The following TCF4 variants were observed in gnomAD, a reference collection of about 807,000 sequenced individuals.
TCF4 encodes the protein transcription factor 4.
A neutral mutation model predicts 82.1 loss-of-function variants in TCF4; 3 were observed. That is an observed-to-expected ratio of 0.04 (90% CI 0.02 to 0.09). TCF4 has a LOEUF of 0.09. TCF4 is among the 10% of genes least tolerant of loss of function. TCF4 has a pLI of 1.00. For missense variants in TCF4, 518 were observed against 852.7 expected (o/e 0.61, Z 4.89); for synonymous variants, 276 against 309.6 (o/e 0.89, Z 1.14).
chr18:55,469,180 T>C (rs970755432), intron 3 of TCF4, among the ~76,000 whole-genome samples: 13 of 152,154 alleles, frequency 8.5e-5, no homozygotes, highest in Non-Finnish European at 1.0e-4. Flanking sequence ...GTCTGACACA[T>C]TGGTCGGGTG....
chr18:55,292,762 G>A (rs1018638883), intron 8 of TCF4, among the ~76,000 whole-genome samples: 7 of 151,118 alleles, frequency 4.6e-5, no homozygotes, highest in Admixed American at 3.9e-4. Context: ...ACATATATAC[G>A]TATATATGTA....
chr18:55,603,917 G>A (rs2097699799), intron 2 of TCF4, among the ~76,000 whole-genome samples: 1 of 152,060 alleles, frequency 6.6e-6, no homozygotes, highest in South Asian at 2.1e-4. Context: ...GTCCTCCTAT[G>A]GGGCTCATCA....
chr18:55,349,888 T>C (rs187194230), intron 8 of TCF4, among the ~76,000 whole-genome samples: 1 of 152,208 alleles, frequency 6.6e-6, no homozygotes, highest in African/African-American at 2.4e-5. Flanking sequence ...GCAGCTACCT[T>C]TGCAGCCTTT....
chr18:55,384,529 T>A (rs1025410179), intron 6 of TCF4, among the ~76,000 whole-genome samples: 1 of 151,996 alleles, frequency 6.6e-6, no homozygotes, highest in Non-Finnish European at 1.5e-5. Flanking sequence ...GGGAAAGAAA[T>A]CCCTGCAGCA....
At chr18:55,449,968 C>A (rs2095594189) in intron 5 of TCF4, among the ~76,000 whole-genome samples, 1 of 152,038 alleles carries the variant, frequency 6.6e-6, no homozygotes, top group Non-Finnish European at 1.5e-5. Flanking sequence ...AACAGAAAAA[C>A]AGACTAGATA....
chr18:55,609,522 G>C (rs374943022), intron 2 of TCF4, among the ~76,000 whole-genome samples: 4 of 152,278 alleles, frequency 2.6e-5, no homozygotes, highest in East Asian at 1.9e-4. Context: ...CTACTGAAAC[G>C]GGTGTGCTTA....
intron 5 of TCF4, among the ~76,000 whole-genome samples, chr18:55,431,298 A>G (rs1008668386): frequency 2.0e-5 from 3 of 152,030 alleles, no homozygotes; most frequent in African/African-American, 7.2e-5. Flanking sequence ...TTGTTTTTTC[A>G]GACGGAGTTT....
chr18:55,331,713 G>A (rs1379012373), intron 8 of TCF4, among the ~76,000 whole-genome samples: 1 of 152,108 alleles, frequency 6.6e-6, no homozygotes, highest in Non-Finnish European at 1.5e-5. Context: ...GATAAAACAT[G>A]CACACAATAT....
At chr18:55,617,395 G>C (rs867553263) in intron 2 of TCF4, among the ~76,000 whole-genome samples, 5 of 152,104 alleles carry the variant, frequency 3.3e-5, no homozygotes, top group Admixed American at 1.3e-4. Context: ...TCTTTCTCAA[G>C]ATTTCTTTGG....
intron 5 of TCF4, among the ~76,000 whole-genome samples, chr18:55,455,175 G>A (rs565704858): frequency 2.9e-3 from 257 of 89,896 alleles, no homozygotes; most frequent in African/African-American, 0.013. Context: ...GAGAGACTCT[G>A]TCTCAAAAAA....
intron 3 of TCF4, among the ~76,000 whole-genome samples, chr18:55,534,101 A>G (rs2097094592): frequency 6.6e-6 from 1 of 152,196 alleles, no homozygotes; most frequent in African/African-American, 2.4e-5. Flanking sequence ...CCTTACACAC[A>G]TGGGCTAAAG....
At chr18:55,425,280 T>C (rs899271406) in intron 5 of TCF4, among the ~76,000 whole-genome samples, 3 of 152,042 alleles carry the variant, frequency 2.0e-5, no homozygotes, top group African/African-American at 7.2e-5. Context: ...AAGCTTTGTC[T>C]CTTAGCATGG....
rs370954723 is a variant in TCF4 at position 55,424,448 on chromosome 18, A to G, written c.305-20930T>C. Among the ~76,000 whole-genome samples, 13 of 152,350 alleles carry G rather than the reference A, an allele frequency of 8.5e-5. No homozygotes were observed. The East Asian group carries it at 1.9e-3, about 23-fold the overall frequency. Reference sequence around the variant, plus strand: ...ATAACTGAAACACCAACTTAAACACAAAGTTAGGGACAGGCTCCCTGCTTT... The same window carrying G: ...ATAACTGAAACACCAACTTAAACACGAAGTTAGGGACAGGCTCCCTGCTTT... On this transcript the variant is annotated intron_variant, in intron 5 of 19. Coordinates refer to ENST00000354452, the MANE Select transcript of TCF4 (RefSeq NM_001083962.2).
intron 5 of TCF4, among the ~76,000 whole-genome samples, chr18:55,446,703 G>A (rs2095531149): frequency 6.6e-6 from 1 of 152,166 alleles, no homozygotes; most frequent in African/African-American, 2.4e-5. Context: ...ATCTTAGCCA[G>A]GCCAGGCGCG....
chr18:55,360,831 G>A (rs564767103), intron 6 of TCF4, among the ~76,000 whole-genome samples: 6 of 147,936 alleles, frequency 4.1e-5, no homozygotes, highest in African/African-American at 1.5e-4. Flanking sequence ...AGGTTCAAGC[G>A]ACTCTCCTGC....
chr18:55,348,763 A>G (rs2081724265), intron 8 of TCF4, among the ~76,000 whole-genome samples: 1 of 152,198 alleles, frequency 6.6e-6, no homozygotes, highest in African/African-American at 2.4e-5. Context: ...AGCATTGGAT[A>G]AAACAAGTTA....
At chr18:55,414,314 A>G (rs2094453773) in intron 5 of TCF4, among the ~76,000 whole-genome samples, 1 of 152,030 alleles carries the variant, frequency 6.6e-6, no homozygotes, top group African/African-American at 2.4e-5. Context: ...GGAAAAACTG[A>G]AAGAAAAGAA....
chr18:55,632,861 T>A (rs192796858), intron 1 of TCF4, among the ~76,000 whole-genome samples: 2 of 152,312 alleles, frequency 1.3e-5, no homozygotes, highest in East Asian at 3.9e-4. Flanking sequence ...AGATCCTGTC[T>A]GAGGGAAAGA....
intron 6 of TCF4, among the ~76,000 whole-genome samples, chr18:55,357,277 A>G (rs1294297907): frequency 6.6e-6 from 1 of 152,218 alleles, no homozygotes. Flanking sequence ...TAGCAAAAAG[A>G]AAACATTGAG....
Sources: gnomAD v4.1 joint callset for allele counts (sites outside exome capture counted in the v4.1 genomes callset) on GRCh38, gnomAD v4.1.1 for gene constraint, MANE v1.5 for transcripts, NCBI Gene and HGNC (gene_info 2026-07-23, HGNC 2026-07-21) for gene names.